The following SPAG11A variants were observed in gnomAD, a reference collection of about 807,000 sequenced individuals.
SPAG11A encodes sperm associated antigen 11A, also known as sperm-associated antigen 11A.
Under a neutral mutation model 5.5 loss-of-function variants are expected in SPAG11A, and 2 were observed. The observed-to-expected ratio is 0.37, with a 90% CI of 0.15 to 1.15. The LOEUF is 1.15. Ranked by LOEUF, SPAG11A falls within the 50% of genes most tolerant of loss-of-function variation. The probability of loss-of-function intolerance (pLI) is 0.38; values close to 1 mark genes in which losing one functional copy is unlikely to be tolerated. For missense variants in SPAG11A, 24 were observed against 122.5 expected (o/e 0.20, Z 3.80); for synonymous variants, 11 against 42.7 (o/e 0.26, Z 2.90).
chr8:7,857,820 G>T (rs1818085265), intron 2 of SPAG11A, among the ~76,000 whole-genome samples: 1 of 89,778 alleles, frequency 1.1e-5, no homozygotes, highest in Non-Finnish European at 2.8e-5. Flanking sequence ...TCTTTGAGAT[G>T]CTCACACTGT....
At chr8:7,852,640 C>T (rs566470595) in intron 2 of SPAG11A, among the ~76,000 whole-genome samples, 418 of 151,898 alleles carry the variant, frequency 2.8e-3, no homozygotes, top group Non-Finnish European at 3.1e-3. Context: ...GCCAGGTTAC[C>T]GCTTTATTCT....
chr8:7,852,571 GA>G (rs1372290841), intron 2 of SPAG11A, among the ~76,000 whole-genome samples: 3 of 147,562 alleles, frequency 2.0e-5, no homozygotes, highest in Non-Finnish European at 3.0e-5. Flanking sequence ...GACCTCAGGT[GA>G]TCTGTCCGCC....
rs576232113 is a variant in SPAG11A at position 7,860,608 on chromosome 8, A to G, written c.215-38A>G. The G allele has an allele frequency of 1.3e-4, 176 of 1,403,296 alleles. 33 individuals are homozygous for G. In the South Asian group the frequency reaches 2.4e-3, roughly 19 times the overall value. 86.9% of individuals were successfully genotyped at this position (1,403,296 alleles called of 1,614,324 possible). A position where few individuals can be genotyped will look rare whatever the true frequency, so the allele number is the denominator to read the frequency against. On this transcript the variant is annotated intron_variant, in intron 2 of 2. Transcript: ENST00000642566. ...GTTCATCTTCTATTCTCTGCACTAT[A>G]TGAGTTAAATGTCAACTCTCTTCTG...
intron 2 of SPAG11A, among the ~76,000 whole-genome samples, chr8:7,858,757 A>T (rs1246652968): frequency 3.9e-5 from 1 of 25,350 alleles, no homozygotes; most frequent in African/African-American, 7.6e-5. Flanking sequence ...GTTCGTGCAC[A>T]TGTCTCCTAA....
intron 2 of SPAG11A, chr8:7,860,334 T>C: frequency 1.4e-6 from 2 of 1,427,346 alleles, no homozygotes; most frequent in East Asian, 3.2e-5. Context: ...AAACTCCCTT[T>C]GTTTCCTTCT....
At chr8:7,857,081 AT>A (rs1818059679) in intron 2 of SPAG11A, among the ~76,000 whole-genome samples, 1 of 123,664 alleles carries the variant, frequency 8.1e-6, no homozygotes, top group Non-Finnish European at 1.8e-5. Flanking sequence ...CTAAACTATA[AT>A]TTCACAATGA....
intron 2 of SPAG11A, among the ~76,000 whole-genome samples, chr8:7,857,443 C>CTTTTTTTT (rs746499721): frequency 4.0e-4 from 18 of 44,682 alleles, no homozygotes; most frequent in African/African-American, 6.2e-4. Context: ...TTCTTTCTTT[C>CTTTTTTTT]TTTTTTTTTT....
chr8:7,860,364 G>A (rs1818164310), intron 2 of SPAG11A: 2 of 1,429,934 alleles, frequency 1.4e-6, no homozygotes, highest in Non-Finnish European at 1.9e-6. Flanking sequence ...CTCTCACCAG[G>A]AGGCTCGAGG....
At chr8:7,858,035 C>T (rs1818091458) in intron 2 of SPAG11A, among the ~76,000 whole-genome samples, 1 of 105,220 alleles carries the variant, frequency 9.5e-6, no homozygotes, top group Admixed American at 1.0e-4. Flanking sequence ...AGAATGATAT[C>T]TAGAGTCTGC....
chr8:7,862,436 C>G (rs1402716122), downstream of SPAG11A: 3 of 216,192 alleles, frequency 1.4e-5, no homozygotes, highest in Non-Finnish European at 2.7e-5. Context: ...GATGGGAACC[C>G]CGTCCCTCCC....
At chr8:7,852,948 C>T (rs1188219020) in intron 2 of SPAG11A, among the ~76,000 whole-genome samples, 108 of 30,894 alleles carry the variant, frequency 3.5e-3, no homozygotes, top group African/African-American at 7.4e-3. Flanking sequence ...CAAATAGTCC[C>T]TTTCTTTCTC....
At chr8:7,852,856 ATTTT>A (rs747969353) in intron 2 of SPAG11A, among the ~76,000 whole-genome samples, 5 of 38,244 alleles carry the variant, frequency 1.3e-4, no homozygotes, top group African/African-American at 2.8e-4. Flanking sequence ...GAGCCCTTCT[ATTTT>A]TTTTTTTTTT....
intron 2 of SPAG11A, among the ~76,000 whole-genome samples, chr8:7,852,576 G>GA (rs1375512069): frequency 6.6e-5 from 9 of 135,434 alleles, no homozygotes; most frequent in African/African-American, 2.3e-4. Context: ...CAGGTGATCT[G>GA]TCCGCCTCGG....
rs1274234431 is a variant in SPAG11A at position 7,858,296 on chromosome 8, T to A, written c.215-2350T>A. On this transcript the variant is annotated intron_variant, in intron 2 of 2. Transcript: ENST00000642566. ...CCACTGTGTGTTTTAATACCACACA[T>A]TATATAAACCCACACACAAAAATAT... 2.4e-4 allele frequency among the ~76,000 whole-genome samples: 28 copies of A among 116,076 alleles called. 2 individuals are homozygous for A. Among genetic ancestry groups the A allele is most frequent in the African/African-American group, 7.4e-4 (28 of 37,864 alleles). The allele number at this position is 116,076 out of a possible 152,430, so 76.2% of individuals were successfully genotyped here.
chr8:7,860,553 C>G (rs1818174800), intron 2 of SPAG11A, 93 bp from the exon 3 acceptor site: 4 of 1,367,020 alleles, frequency 2.9e-6, no homozygotes, highest in Non-Finnish European at 3.9e-6. Context: ...TTAGCCTTGT[C>G]AGAATATATA....
chr8:7,860,760 A>G (rs1330280612), exon 3 of SPAG11A: 2 of 1,386,160 alleles, frequency 1.4e-6, no homozygotes, highest in African/African-American at 3.0e-5. Flanking sequence ...GATCCCTGGA[A>G]TAGGTGTTGC....
chr8:7,861,467 C>G (rs1351278994), downstream of SPAG11A, among the ~76,000 whole-genome samples: 2 of 146,372 alleles, frequency 1.4e-5, no homozygotes, highest in Non-Finnish European at 3.0e-5. Flanking sequence ...CTCAGTATGC[C>G]TATCAGCCAG....
In SPAG11A at chr8:7,860,390, C is replaced by A. The variant is rs1175192503; in HGVS notation, c.215-256C>A. 1.6e-5 allele frequency: 23 copies of A among 1,429,772 alleles called. 3 individuals carry two copies. Among genetic ancestry groups the A allele is most frequent in the Non-Finnish European group, 1.9e-5 (20 of 1,053,456 alleles). 88.6% of individuals were successfully genotyped at this position (1,429,772 alleles called of 1,614,324 possible). On this transcript the variant is annotated intron_variant, in intron 2 of 2. Transcript: ENST00000642566. The stretch of plus-strand genomic sequence containing the variant: ...AGGCTCGAGGACCCTCATTTAAGAT[C>A]TGCGTGGGCTTTTTAGGGCCTAGAT...
At chr8:7,863,647 C>G (rs1818282641), downstream of SPAG11A, 2 of 1,514,176 alleles carry the variant, frequency 1.3e-6, no homozygotes, top group African/African-American at 1.4e-5. Context: ...AGCCGAAGAG[C>G]AGGAGCCTCA....
Sources: allele counts gnomAD v4.1 joint callset (sites outside exome capture counted in the v4.1 genomes callset), GRCh38; gene constraint gnomAD v4.1.1; transcripts MANE v1.5; gene names NCBI Gene and HGNC (gene_info 2026-07-23, HGNC 2026-07-21).